FAM200A: variants seen among roughly 807,000 people sequenced by gnomAD.
FAM200A encodes protein FAM200A.
FAM200A carries 26 observed loss-of-function variants against 44.2 expected under a neutral mutation model. That is an observed-to-expected ratio of 0.59 (90% CI 0.43 to 0.82). The LOEUF is 0.82. Among genes scored for constraint, FAM200A ranks in the 40% least tolerant of loss-of-function variants. The pLI, the probability that FAM200A is intolerant of heterozygous loss-of-function variation, is 0.00. For missense variants in FAM200A, 606 were observed against 669.5 expected, an observed-to-expected ratio of 0.91 and a Z score of 1.05; for synonymous variants, 206 against 244.4, an observed-to-expected ratio of 0.84 and a Z score of 1.47.
At chr7:99,554,429 A>C (rs1802637484), upstream of FAM200A, among the ~76,000 whole-genome samples, 1 of 147,070 alleles carries the variant, frequency 6.8e-6, no homozygotes, top group South Asian at 2.2e-4. Context: ...CAGTGAGCTG[A>C]GATCACACCA....
rs1451690105 is a variant in FAM200A, at chr7:99,552,033, G to C, written c.-279C>G. ...CGGAGAAGTCTGGGATGCTGGGATAGAAGGGGTTGTGACTTTGGGGACCAG... is the reference window on the plus strand; with the variant it reads ...CGGAGAAGTCTGGGATGCTGGGATACAAGGGGTTGTGACTTTGGGGACCAG... On this transcript the variant is annotated 5_prime_UTR_variant, in exon 1 of 2. Transcript: ENST00000449309. The C allele has an allele frequency of 2.0e-6, 2 of 985,518 alleles. No homozygotes were observed. The highest frequency in any genetic ancestry group is 2.4e-6 in the Non-Finnish European group (2 of 830,074). The allele number at this position is 985,518 out of a possible 1,614,324, so 61.0% of individuals were successfully genotyped here. A position where few individuals can be genotyped will look rare whatever the true frequency, so the allele number is the denominator to read the frequency against.
chr7:99,551,619 G>C lies in FAM200A; in HGVS notation c.-100+235C>G, dbSNP rs1802533338. The stretch of plus-strand genomic sequence containing the variant: ...TAAGGCCAATGGCACTTGGTATCGT[G>C]TAAGATCGCCAGAATTTTACAACTC... On this transcript the variant is annotated intron_variant, in intron 1 of 1. Coordinates refer to ENST00000449309, the MANE Select transcript of FAM200A (RefSeq NM_145111.4). Among the ~76,000 whole-genome samples, 3 of 152,192 alleles carry C rather than the reference G, an allele frequency of 2.0e-5. No homozygotes were observed. In the South Asian group the frequency reaches 6.2e-4, roughly 32 times the overall value.
In FAM200A at chr7:99,546,552, A is replaced by C; in HGVS notation, c.*134T>G. The C allele has an allele frequency of 1.1e-6, 1 of 922,886 alleles. No individual in the cohort carries two copies. The highest frequency in any genetic ancestry group is 1.5e-6 in the Non-Finnish European group (1 of 675,244). The allele number at this position is 922,886 out of a possible 1,614,324, so 57.2% of individuals were successfully genotyped here. A position where few individuals can be genotyped will look rare whatever the true frequency, so the allele number is the denominator to read the frequency against. Reference sequence around the variant, plus strand: ...CCTGGCTAAGGTTTCTATTTTTAGTAGAGATGGGGTTTCACCATGTTGGCC... The same window carrying C: ...CCTGGCTAAGGTTTCTATTTTTAGTCGAGATGGGGTTTCACCATGTTGGCC... On this transcript the variant is annotated 3_prime_UTR_variant, in exon 2 of 2. Transcript: ENST00000449309.
At chr7:99,550,118 C>CT (rs543457885) in intron 1 of FAM200A, among the ~76,000 whole-genome samples, 2,132 of 148,326 alleles carry the variant, frequency 0.014, 23 homozygotes, top group Middle Eastern at 0.083. Flanking sequence ...GAACCCCCCC[C>CT]TTTTTTTTTT....
chr7:99,549,732 A>G (rs1178099667), intron 1 of FAM200A, among the ~76,000 whole-genome samples: 3 of 152,242 alleles, frequency 2.0e-5, no homozygotes, highest in Non-Finnish European at 2.9e-5. Context: ...AAAAAGGATG[A>G]GTTTATGTCC....
chr7:99,555,696 G>A (rs1802663363), upstream of FAM200A, among the ~76,000 whole-genome samples: 1 of 152,052 alleles, frequency 6.6e-6, no homozygotes, highest in South Asian at 2.1e-4. Context: ...ATTGCTTGAG[G>A]TCAGGAGTTC....
chr7:99,550,830 T>C (rs1269434861), intron 1 of FAM200A, among the ~76,000 whole-genome samples: 2 of 152,154 alleles, frequency 1.3e-5, no homozygotes, highest in African/African-American at 4.8e-5. Flanking sequence ...ATTGCAGCAC[T>C]TTGGGAGGCC....
At chr7:99,553,099 A>ATATATT (rs1254408398), upstream of FAM200A, among the ~76,000 whole-genome samples, 102 of 61,388 alleles carry the variant, frequency 1.7e-3, no homozygotes, top group Non-Finnish European at 2.0e-3. Context: ...ATATATATAT[A>ATATATT]TTTTTTTTTT....
At position 99,548,524 on chromosome 7, in the gene FAM200A, G is replaced by GT. The variant is rs1430682868; in HGVS notation, c.-99-19dup. Reference sequence around the variant, plus strand: ...TTGCTATCCTGCAGGGTAGAAAAACGTAACAGCAGTATTAAAAAGCAACAT... The same window carrying GT: ...TTGCTATCCTGCAGGGTAGAAAAACGTTAACAGCAGTATTAAAAAGCAACAT... On this transcript the variant is annotated intron_variant, in intron 1 of 1. Transcript: ENST00000449309. The GT allele has an allele frequency of 2.7e-6, 4 of 1,470,874 alleles. No homozygotes were observed. The highest frequency in any genetic ancestry group is 2.1e-4 in the Middle Eastern group (1 of 4,658). The allele number at this position is 1,470,874 out of a possible 1,614,324, so 91.1% of individuals were successfully genotyped here. A position where few individuals can be genotyped will look rare whatever the true frequency, so the allele number is the denominator to read the frequency against.
At chr7:99,552,199 C>A (rs181722452), upstream of FAM200A, 53 of 983,094 alleles carry the variant, frequency 5.4e-5, no homozygotes, top group African/African-American at 9.2e-4. Context: ...GACTTTGCAT[C>A]CCTGTGTAGG....
chr7:99,553,113 TTTTTTC>T (rs1802602103), upstream of FAM200A, among the ~76,000 whole-genome samples: 2 of 130,460 alleles, frequency 1.5e-5, no homozygotes, highest in African/African-American at 6.1e-5. Flanking sequence ...TTTTTTTTTT[TTTTTTC>T]CTCCTAGGGC....
At chr7:99,557,451 G>C (rs1053024290) in intron 1 of FAM200A, among the ~76,000 whole-genome samples, 1 of 152,190 alleles carries the variant, frequency 6.6e-6, no homozygotes, top group Non-Finnish European at 1.5e-5. Context: ...GAAGTACTGT[G>C]TCATCTATTG....
At chr7:99,551,787 C>G (rs1802538093) in intron 1 of FAM200A, 67 bp downstream of exon 1, 1 of 980,912 alleles carries the variant, frequency 1.0e-6, no homozygotes, top group South Asian at 4.7e-5. Context: ...AAGGGACACG[C>G]AGACCGCCTC....
chr7:99,547,918 A>G lies in FAM200A; in HGVS notation c.490T>C (p.Trp164Arg). The change falls in exon 2 of 2, where the codon TGG (tryptophan) becomes CGG (arginine). Residue 164 changes from tryptophan to arginine, a missense_variant. Physicochemically the swap from Trp to Arg is moderately radical, Grantham distance 101. Coordinates refer to ENST00000449309, the MANE Select transcript of FAM200A (RefSeq NM_145111.4). The stretch of plus-strand genomic sequence containing the variant: ...AGATCCTCTACAAAATCATCTTGCC[A>G]CACATATCTGACATAAACCAAGAGT... ...PTLLVYVRYVWQDDFVEDLLC... is the reference protein window; with the variant it reads ...PTLLVYVRYVRQDDFVEDLLC... 6.4e-7 allele frequency: 1 copy of G among 1,551,240 alleles called. No individual in the cohort carries two copies. Among genetic ancestry groups the G allele is most frequent in the Non-Finnish European group, 8.7e-7 (1 of 1,146,994 alleles).
At position 99,546,553 on chromosome 7, in the gene FAM200A, G is replaced by C. The variant is rs2151127833; in HGVS notation, c.*133C>G. ...CTGGCTAAGGTTTCTATTTTTAGTAGAGATGGGGTTTCACCATGTTGGCCA... is the reference window on the plus strand; with the variant it reads ...CTGGCTAAGGTTTCTATTTTTAGTACAGATGGGGTTTCACCATGTTGGCCA... On this transcript the variant is annotated 3_prime_UTR_variant, in exon 2 of 2. Coordinates refer to ENST00000449309, the MANE Select transcript of FAM200A (RefSeq NM_145111.4). The C allele has an allele frequency of 1.1e-6, 1 of 942,808 alleles. No homozygotes were observed. The highest frequency in any genetic ancestry group is 3.1e-5 in the East Asian group (1 of 32,144). The allele number at this position is 942,808 out of a possible 1,614,324, so 58.4% of individuals were successfully genotyped here. A position where few individuals can be genotyped will look rare whatever the true frequency, so the allele number is the denominator to read the frequency against.
chr7:99,548,208 A>C lies in FAM200A; in HGVS notation c.200T>G (p.Val67Gly). The C allele has an allele frequency of 1.3e-6, 2 of 1,580,422 alleles. No individual in the cohort carries two copies. The highest frequency in any genetic ancestry group is 1.7e-6 in the Non-Finnish European group (2 of 1,161,736). Residue 67 changes from valine to glycine, a missense_variant, in exon 2 of 2, where the codon GTT (valine) becomes GGT (glycine). Val to Gly is a moderately radical substitution (Grantham distance 109). Coordinates refer to ENST00000449309, the MANE Select transcript of FAM200A (RefSeq NM_145111.4). ...TTTCTCTTTTGCCACTCTATATGCAACTAAATACGATGACAATAAGGCTCT... is the reference window on the plus strand; with the variant it reads ...TTTCTCTTTTGCCACTCTATATGCACCTAAATACGATGACAATAAGGCTCT... ...NERALLSSYLVAYRVAKEKMA... is the reference protein window; with the variant it reads ...NERALLSSYLGAYRVAKEKMA...
At chr7:99,558,002 T>C (rs1802754566) in intron 1 of FAM200A, among the ~76,000 whole-genome samples, 1 of 152,182 alleles carries the variant, frequency 6.6e-6, no homozygotes, top group Non-Finnish European at 1.5e-5. Context: ...TGCACAATGC[T>C]TTTGCCTATC....
rs527283174 is a variant in FAM200A at position 99,550,680 on chromosome 7, C to T, written c.-100+1174G>A. On this transcript the variant is annotated intron_variant, in intron 1 of 1. Coordinates refer to ENST00000449309, the MANE Select transcript of FAM200A (RefSeq NM_145111.4). ...GAACTGGTACCAGTCCCCAATGGTC[C>T]GCTGCACCGTCCACAAATTCCCTTC... Among the ~76,000 whole-genome samples, 9 of 152,202 alleles carry T rather than the reference C, an allele frequency of 5.9e-5. No individual in the cohort carries two copies. The South Asian group carries it at 6.2e-4, about 11-fold the overall frequency.
chr7:99,548,680 A>G (rs1802448736), intron 1 of FAM200A, among the ~76,000 whole-genome samples, 174 bp from the exon 2 acceptor site: 1 of 152,126 alleles, frequency 6.6e-6, no homozygotes, highest in African/African-American at 2.4e-5. Context: ...TACACCACTC[A>G]TTTAATACCC....
Sources: gnomAD v4.1 joint callset for allele counts (sites outside exome capture counted in the v4.1 genomes callset) on GRCh38, gnomAD v4.1.1 for gene constraint, MANE v1.5 for transcripts, NCBI Gene and HGNC (gene_info 2026-07-23, HGNC 2026-07-21) for gene names.